MVP: variants seen among roughly 807,000 people sequenced by gnomAD.
MVP encodes the protein major vault protein.
Under a neutral mutation model 83.5 loss-of-function variants are expected in MVP, and 62 were observed. That is an observed-to-expected ratio of 0.74 (90% CI 0.61 to 0.92). The LOEUF (loss-of-function observed/expected upper bound fraction) is 0.92, where lower values mean the gene tolerates loss of function less well. Ranked by LOEUF, MVP falls within the 40% of genes least tolerant of loss-of-function variation. The pLI is 0.00. For synonymous variants in MVP, 505 were observed against 504.1 expected, an observed-to-expected ratio of 1.00 and a Z score of -0.02; for missense variants, 1,000 against 1,203.4, an observed-to-expected ratio of 0.83 and a Z score of 2.50.
chr16:29,846,753 G>C (rs560194362), intron 13 of MVP, among the ~76,000 whole-genome samples: 1 of 152,164 alleles, frequency 6.6e-6, no homozygotes, highest in Non-Finnish European at 1.5e-5. Flanking sequence ...CAACTACTTG[G>C]TAGGCTGAGG....
intron 5 of MVP, 197 bp downstream of exon 5, chr16:29,834,263 T>A: frequency 1.4e-6 from 1 of 705,236 alleles, no homozygotes. Context: ...GGCTGGAAAA[T>A]GTGACCATGA....
At chr16:29,830,734 C>A in intron 2 of MVP, 60 bp downstream of exon 2, 2 of 1,598,428 alleles carry the variant, frequency 1.3e-6, no homozygotes, top group Non-Finnish European at 8.5e-7. Context: ...GTTTGGCTGG[C>A]ATGATGGTCC....
rs1439751227 is a variant in MVP, at chr16:29,830,615, C to T, written c.66C>T (p.Asn22=). 3.1e-6 allele frequency: 5 copies of T among 1,614,030 alleles called. No individual in the cohort carries two copies. The highest frequency in any genetic ancestry group is 1.3e-5 in the African/African-American group (1 of 74,972). The change falls in exon 2 of 15, where the codon AAC becomes AAT. Residue 22 remains asparagine (N), a synonymous_variant. Coordinates refer to ENST00000357402, the MANE Select transcript of MVP (RefSeq NM_005115.5). ...PYHYIHVLDQ[N]SNVSRVEVGP... is the part of the protein sequence containing the mutation. ...ACTATATCCATGTGCTGGACCAGAA[C>T]AGCAACGTGTCCCGTGTGGAGGTCG...
At chr16:29,831,760 C>T (rs2067444016) in intron 3 of MVP, 11 of 455,450 alleles carry the variant, frequency 2.4e-5, no homozygotes, top group Non-Finnish European at 4.9e-5. Context: ...GCAGCAGTGA[C>T]AAGCCCAGGC....
At position 29,844,715 on chromosome 16, in the gene MVP, G is replaced by A. The variant is rs144055211; in HGVS notation, c.1857G>A (p.Leu619=). The change falls in exon 11 of 15, where the codon CTG becomes CTA. Residue 619 remains leucine (L), a synonymous_variant. Coordinates refer to ENST00000357402, the MANE Select transcript of MVP (RefSeq NM_005115.5). The part of the protein sequence containing the change: ...SEAKGPDGMA[L]PRPRDQAVFP... ...CGAAGGGCCCCGATGGCATGGCCCT[G>A]CCCAGGCCCCGGGACCAGGCTGTCT... The A allele has an allele frequency of 7.8e-4, 1,261 of 1,613,770 alleles. 1 individual carries two copies. The highest frequency in any genetic ancestry group is 1.2e-3 in the Middle Eastern group (7 of 6,060).
At position 29,845,908 on chromosome 16, in the gene MVP, G is replaced by A. The variant is rs538239821; in HGVS notation, c.2067G>A (p.Glu689=). The A allele has an allele frequency of 4.3e-6, 7 of 1,614,180 alleles. No individual in the cohort carries two copies. Among genetic ancestry groups the A allele is most frequent in the East Asian group, 2.2e-5 (1 of 44,892 alleles). ...RLEQEARGRL[E]RQKILDQSEA... ...AGCAGGAAGCCCGCGGCCGGCTTGA[G>A]CGGCAGAAGATCCTGGACCAGTCAG... is the stretch of plus-strand genomic sequence containing the variant. Residue 689 remains glutamate, a synonymous_variant, in exon 12 of 15, where the codon GAG becomes GAA. Transcript: ENST00000357402.
intron 5 of MVP, 200 bp from the exon 6 acceptor site, chr16:29,835,504 A>C: frequency 3.0e-6 from 1 of 335,144 alleles, no homozygotes; most frequent in Non-Finnish European, 5.5e-6. Context: ...AAAAAAAAAA[A>C]ACTTTTAAAA....
intron 3 of MVP, among the ~76,000 whole-genome samples, chr16:29,832,322 G>A (rs1185008992): frequency 1.5e-5 from 2 of 133,920 alleles, no homozygotes; most frequent in African/African-American, 6.1e-5. Flanking sequence ...TTTTGAGATG[G>A]AGTCTCACTC....
rs1196393603 is a variant in MVP, at chr16:29,841,785, C to T, written c.1381C>T (p.Arg461Cys). ...PRNKTRVVSY[R>C]VPHNAAVQVY... ...GAACAAGACCCGTGTGGTCAGCTAC[C>T]GCGTGCCCCACAACGCTGCGGTGCA... Residue 461 changes from arginine (R) to cysteine (C), a missense_variant, in exon 9 of 15, where the codon CGC becomes TGC. Coordinates refer to ENST00000357402, the MANE Select transcript of MVP (RefSeq NM_005115.5). This position sits in a 1 kb window ranked among gnomAD's most constrained non-coding sequence, Gnocchi z 4.7. The T allele has an allele frequency of 5.6e-6, 9 of 1,613,450 alleles. No homozygotes were observed. Among genetic ancestry groups the T allele is most frequent in the East Asian group, 4.5e-5 (2 of 44,882 alleles).
rs771610931 is a variant in MVP at position 29,836,738 on chromosome 16, G to C, written c.689G>C (p.Arg230Pro). ...ILTEKTALHL[R>P]ARRNFRDFRG... ...GCTCTGCAGACAGCCCTGCACCTCCGGGCTCGGCGGAACTTCCGGGACTTC... is the reference window on the plus strand; with the variant it reads ...GCTCTGCAGACAGCCCTGCACCTCCCGGCTCGGCGGAACTTCCGGGACTTC... The change falls in exon 7 of 15, where the codon CGG becomes CCG. Residue 230 changes from arginine to proline, a missense_variant. Coordinates refer to ENST00000357402, the MANE Select transcript of MVP (RefSeq NM_005115.5). The C allele has an allele frequency of 6.3e-7, 1 of 1,595,268 alleles. No homozygotes were observed. Among genetic ancestry groups the C allele is most frequent in the South Asian group, 1.1e-5 (1 of 89,016 alleles).
chr16:29,838,752 A>G (rs1477413654), intron 7 of MVP, among the ~76,000 whole-genome samples: 1 of 152,170 alleles, frequency 6.6e-6, no homozygotes, highest in East Asian at 1.9e-4. Flanking sequence ...GCTTGACCCC[A>G]GGAAGTGGAG....
At chr16:29,843,014 C>A (rs1271186589) in intron 10 of MVP, among the ~76,000 whole-genome samples, 1 of 152,240 alleles carries the variant, frequency 6.6e-6, no homozygotes, top group African/African-American at 2.4e-5. Context: ...CTGCTGTTTG[C>A]AGCCTGTGGA....
At chr16:29,837,746 T>A (rs947929916) in intron 7 of MVP, among the ~76,000 whole-genome samples, 1 of 151,116 alleles carries the variant, frequency 6.6e-6, no homozygotes, top group African/African-American at 2.4e-5. Context: ...AGAGTGAGAC[T>A]CTCAGAAAAA....
chr16:29,843,585 G>A (rs2067555508), intron 10 of MVP, among the ~76,000 whole-genome samples: 1 of 124,876 alleles, frequency 8.0e-6, no homozygotes, highest in African/African-American at 3.2e-5. Flanking sequence ...AGGGAGGAAG[G>A]GAGGAAGGGA....
At chr16:29,831,613 T>A in intron 3 of MVP, 1 of 456,198 alleles carries the variant, frequency 2.2e-6, no homozygotes, top group Non-Finnish European at 4.4e-6. Context: ...GCCTCTTTTC[T>A]GAGAACTGTT....
chr16:29,841,982 G>A lies in MVP; in HGVS notation c.1504G>A (p.Ala502Thr), dbSNP rs749930422. The A allele has an allele frequency of 6.8e-6, 11 of 1,612,570 alleles. No homozygotes were observed. Among genetic ancestry groups the A allele is most frequent in the African/African-American group, 2.7e-5 (2 of 74,928 alleles). Reference protein sequence around the residue: ...EEQFTVLSLSAGRPKRPHARR... With the variant: ...EEQFTVLSLSTGRPKRPHARR... Reference sequence around the variant, plus strand: ...GCAGTTCACAGTGTTGTCCCTCTCAGCTGGGCGGCCCAAGCGTCCCCATGC... The same window carrying A: ...GCAGTTCACAGTGTTGTCCCTCTCAACTGGGCGGCCCAAGCGTCCCCATGC... Residue 502 changes from alanine to threonine, a missense_variant, in exon 10 of 15, where the codon GCT becomes ACT. Physicochemically the swap from Ala to Thr is moderately conservative, Grantham distance 58. Coordinates refer to ENST00000357402, the MANE Select transcript of MVP (RefSeq NM_005115.5). The surrounding 1 kb of genome is among the most constrained non-coding windows in gnomAD (Gnocchi z 4.7).
chr16:29,835,753 T>C lies in MVP; in HGVS notation c.627T>C (p.Phe209=). ...TAGGGGCGTACCTCCCAGCGGTGTT[T>C]GAGGAGGTTCTGGATTTGGTGGACG... The part of the protein sequence containing the change: ...TTVGAYLPAV[F]EEVLDLVDAV... The change falls in exon 6 of 15, where the codon TTT becomes TTC. Residue 209 remains phenylalanine (F), a synonymous_variant. Transcript: ENST00000357402. 1 of 1,613,916 alleles carries C rather than the reference T, an allele frequency of 6.2e-7. No individual in the cohort carries two copies. Among genetic ancestry groups the C allele is most frequent in the Non-Finnish European group, 8.5e-7 (1 of 1,179,972 alleles).
chr16:29,833,379 C>T (rs1302514416), intron 3 of MVP: 1 of 250,652 alleles, frequency 4.0e-6, no homozygotes, highest in Admixed American at 5.1e-5. Flanking sequence ...TCACTGAAGC[C>T]TTAACCTCCT....
chr16:29,842,046 T>A lies in MVP; in HGVS notation c.1568T>A (p.Phe523Tyr). ...TGCCTGCTGCTGGGGCCTGACTTCT[T>A]CACAGACGTCATCACCATCGAAACG... is the stretch of plus-strand genomic sequence containing the variant. ...ALCLLLGPDF[F>Y]TDVITIETAD... The change falls in exon 10 of 15, where the codon TTC (phenylalanine) becomes TAC (tyrosine). Residue 523 changes from phenylalanine to tyrosine, a missense_variant. Coordinates refer to ENST00000357402, the MANE Select transcript of MVP (RefSeq NM_005115.5). The A allele has an allele frequency of 6.2e-7, 1 of 1,610,218 alleles. No homozygotes were observed. The highest frequency in any genetic ancestry group is 2.2e-5 in the East Asian group (1 of 44,864).
Sources: gnomAD v4.1 joint callset for allele counts (sites outside exome capture counted in the v4.1 genomes callset) on GRCh38, gnomAD v4.1.1 for gene constraint, Gnocchi (gnomAD v3.1) non-coding constraint, MANE v1.5 for transcripts, NCBI Gene and HGNC (gene_info 2026-07-23, HGNC 2026-07-21) for gene names.